Variants in WWTR1 observed in about 807,000 individuals in gnomAD.
The protein encoded by WWTR1 is WW domain containing transcription regulator 1.
WWTR1 carries 13 observed loss-of-function variants against 40.1 expected under a neutral mutation model. The ratio of observed to expected loss-of-function variants is 0.32; its 90% confidence interval spans 0.21 to 0.52. The LOEUF (loss-of-function observed/expected upper bound fraction) is 0.52. Ranked by LOEUF, WWTR1 falls within the 20% of genes least tolerant of loss-of-function variation. The pLI is 0.97. For synonymous variants in WWTR1, 230 were observed against 210.1 expected (o/e 1.09, Z -0.82); for missense variants, 436 against 523.1 (o/e 0.83, Z 1.63).
intron 3 of WWTR1, among the ~76,000 whole-genome samples, chr3:149,543,417 T>C (rs747172050): frequency 5.3e-5 from 8 of 151,386 alleles, no homozygotes; most frequent in Non-Finnish European, 7.4e-5. Context: ...CCCATCTCTA[T>C]TAAAATACAA....
At chr3:149,602,849 G>A (rs954319102) in intron 2 of WWTR1, among the ~76,000 whole-genome samples, 6 of 152,028 alleles carry the variant, frequency 3.9e-5, no homozygotes, top group Admixed American at 1.3e-4. Flanking sequence ...CAGTAGAGAC[G>A]GGGTTTCACC....
chr3:149,567,034 A>C (rs1319731371), intron 3 of WWTR1, among the ~76,000 whole-genome samples: 1 of 152,072 alleles, frequency 6.6e-6, no homozygotes, highest in Non-Finnish European at 1.5e-5. Flanking sequence ...TAGGGTTCGC[A>C]GGCTGGTGAA....
chr3:149,664,632 A>G (rs1713728156), intron 2 of WWTR1, among the ~76,000 whole-genome samples: 1 of 144,024 alleles, frequency 6.9e-6, no homozygotes, highest in Non-Finnish European at 1.5e-5. Flanking sequence ...CCTGTTGCCC[A>G]GGCTGTAGTG....
intron 2 of WWTR1, among the ~76,000 whole-genome samples, chr3:149,590,344 C>T (rs1308192427): frequency 2.6e-5 from 4 of 152,074 alleles, no homozygotes; most frequent in African/African-American, 9.7e-5. Flanking sequence ...GCTTACTAAT[C>T]TCTGTTTTTA....
chr3:149,632,653 A>G (rs1487843736), intron 2 of WWTR1, among the ~76,000 whole-genome samples: 1 of 152,254 alleles, frequency 6.6e-6, no homozygotes, highest in Non-Finnish European at 1.5e-5. Flanking sequence ...ACAACCCAAA[A>G]GTCCACCAAC....
At chr3:149,666,056 C>T (rs1416656348) in intron 2 of WWTR1, among the ~76,000 whole-genome samples, 1 of 152,124 alleles carries the variant, frequency 6.6e-6, no homozygotes, top group Non-Finnish European at 1.5e-5. Context: ...AGTTTGCCAC[C>T]TGATTAAAAC....
intron 1 of WWTR1, among the ~76,000 whole-genome samples, chr3:149,697,251 G>GT (rs1715024028): frequency 6.8e-6 from 1 of 146,390 alleles, no homozygotes; most frequent in African/African-American, 2.6e-5. Context: ...ATAGCAGAAG[G>GT]TAAGTGGGAG....
chr3:149,598,357 T>C (rs181756617), intron 2 of WWTR1, among the ~76,000 whole-genome samples: 2 of 152,338 alleles, frequency 1.3e-5, no homozygotes, highest in East Asian at 3.9e-4. Flanking sequence ...ACAATAATCC[T>C]GGAAAAATTA....
intron 6 of WWTR1, among the ~76,000 whole-genome samples, chr3:149,523,646 C>T (rs1344883282): frequency 2.6e-5 from 4 of 152,176 alleles, no homozygotes; most frequent in African/African-American, 9.7e-5. Context: ...ACTGGATCTT[C>T]GCACCAAGCC....
chr3:149,645,991 AAGACAT>A (rs1224112461), intron 2 of WWTR1, among the ~76,000 whole-genome samples: 1 of 152,188 alleles, frequency 6.6e-6, no homozygotes, highest in Non-Finnish European at 1.5e-5. Context: ...AGAAGCCACA[AAGACAT>A]AAAATATATT....
rs1248928701 is a variant in WWTR1, at chr3:149,517,909, T to G, written c.*2896A>C. The G allele has an allele frequency of 6.6e-6, 1 of 152,118 alleles. No individual in the cohort carries two copies. Among genetic ancestry groups the G allele is most frequent in the Non-Finnish European group, 1.5e-5 (1 of 68,012 alleles). The allele number at this position is 152,118 out of a possible 1,614,324, so 9.4% of individuals were successfully genotyped here. Reference sequence around the variant, plus strand: ...TCTGTGACAAAATTTTGGGGTGAAATGATGATGTTTACTGATTGATTTAGT... The same window carrying G: ...TCTGTGACAAAATTTTGGGGTGAAAGGATGATGTTTACTGATTGATTTAGT... On this transcript the variant is annotated 3_prime_UTR_variant, in exon 7 of 7. Coordinates refer to ENST00000360632, the MANE Select transcript of WWTR1 (RefSeq NM_015472.6).
rs578088985 is a variant in WWTR1, at chr3:149,586,602, T to C, written c.432-13602A>G. Among the ~76,000 whole-genome samples, 9 of 152,318 alleles carry C rather than the reference T, an allele frequency of 5.9e-5. No homozygotes were observed. The South Asian group carries it at 1.9e-3, about 32-fold the overall frequency. ...ACTTCGGCTCCTGACACAGAGCTTC[T>C]AATCCCTTGGAATTTTCTGGGTGAT... On this transcript the variant is annotated intron_variant, in intron 2 of 6. Transcript: ENST00000360632.
chr3:149,547,972 G>A (rs1576551366), intron 3 of WWTR1, among the ~76,000 whole-genome samples: 1 of 132,408 alleles, frequency 7.6e-6, no homozygotes, highest in African/African-American at 2.7e-5. Flanking sequence ...ACACAAAACC[G>A]CCAGTGCCAA....
intron 2 of WWTR1, among the ~76,000 whole-genome samples, chr3:149,607,398 T>A (rs984412368): frequency 9.9e-5 from 15 of 152,158 alleles, no homozygotes; most frequent in South Asian, 2.1e-4. Context: ...CACTGCAACC[T>A]CCACCTCCTG....
chr3:149,622,694 C>T (rs1008554310), intron 2 of WWTR1, among the ~76,000 whole-genome samples: 1 of 151,874 alleles, frequency 6.6e-6, no homozygotes, highest in African/African-American at 2.4e-5. Flanking sequence ...CAAACCAAAC[C>T]AAAACCAAAA....
intron 2 of WWTR1, among the ~76,000 whole-genome samples, chr3:149,656,419 A>C (rs1022002462): frequency 1.3e-5 from 2 of 151,914 alleles, no homozygotes; most frequent in African/African-American, 4.8e-5. Flanking sequence ...TTTTCCCAAG[A>C]AGATAGAAAC....
rs1401313991 is a variant in WWTR1 at position 149,612,376 on chromosome 3, G to GA, written c.432-39377dup. ...CTTAATCCATTATAGGAGGGGAAAA[G>GA]AAAAAAAAAAAAACTCCACCTACCA... is the stretch of plus-strand genomic sequence containing the variant. On this transcript the variant is annotated intron_variant, in intron 2 of 6. Coordinates refer to ENST00000360632, the MANE Select transcript of WWTR1 (RefSeq NM_015472.6). Among the ~76,000 whole-genome samples, 573 of 132,394 alleles carry GA rather than the reference G, an allele frequency of 4.3e-3. 1 individual carries two copies. Among genetic ancestry groups the GA allele is most frequent in the African/African-American group, 8.2e-3 (302 of 36,732 alleles). 86.9% of individuals were successfully genotyped at this position (132,394 alleles called of 152,430 possible). A position where few individuals can be genotyped will look rare whatever the true frequency, so the allele number is the denominator to read the frequency against.
chr3:149,607,475 C>T (rs946632038), intron 2 of WWTR1, among the ~76,000 whole-genome samples: 12 of 152,118 alleles, frequency 7.9e-5, no homozygotes, highest in African/African-American at 2.4e-4. Flanking sequence ...CCGCAATGCC[C>T]GGGTAAATTT....
chr3:149,578,508 G>A (rs948962578), intron 2 of WWTR1, among the ~76,000 whole-genome samples: 6 of 152,130 alleles, frequency 3.9e-5, no homozygotes, highest in South Asian at 4.1e-4. Flanking sequence ...ACCATAGATC[G>A]TATACCTATT....
Sources: gnomAD v4.1 joint callset for allele counts (sites outside exome capture counted in the v4.1 genomes callset) on GRCh38, gnomAD v4.1.1 for gene constraint, MANE v1.5 for transcripts, NCBI Gene and HGNC (gene_info 2026-07-23, HGNC 2026-07-21) for gene names.